PCDHGA3: variants seen among roughly 807,000 people sequenced by gnomAD.
PCDHGA3 encodes protocadherin gamma subfamily A, 3, also known as protocadherin gamma-A3.
In PCDHGA3, 40 loss-of-function variants were observed where a neutral mutation model predicts 58.5. That is an observed-to-expected ratio of 0.68 (90% confidence interval 0.53 to 0.89). PCDHGA3 has a LOEUF of 0.89. PCDHGA3 is among the 40% of genes least tolerant of loss of function. PCDHGA3 has a pLI of 0.00. For missense variants in PCDHGA3, 1,223 were observed against 1,195.9 expected, an observed-to-expected ratio of 1.02 and a Z score of -0.33; for synonymous variants, 530 against 525.7, an observed-to-expected ratio of 1.01 and a Z score of -0.11.
chr5:141,500,269 C>T (rs977958449), intron 2 of PCDHGA3, among the ~76,000 whole-genome samples: 1 of 151,504 alleles, frequency 6.6e-6, no homozygotes, highest in African/African-American at 2.4e-5. Context: ...ACTGCAGTGG[C>T]GCAATCTCGG....
rs992843398 is a variant in PCDHGA3 at position 141,374,547 on chromosome 5, T to C, written c.2424+28090T>C. On this transcript the variant is annotated intron_variant, in intron 1 of 3. Transcript: ENST00000253812. ...GCTCCATCCTCTCGTTTTCCACTAA[T>C]GGAGGTCTATGACCCTGATGTGGGA... 2.5e-6 allele frequency: 4 copies of C among 1,613,438 alleles called. No homozygotes were observed. The highest frequency in any genetic ancestry group is 1.7e-5 in the Admixed American group (1 of 60,028).
intron 1 of PCDHGA3, chr5:141,351,679 C>T (rs548473707): frequency 6.2e-7 from 1 of 1,613,994 alleles, no homozygotes; most frequent in Non-Finnish European, 8.5e-7. Context: ...TAAGCGCCTC[C>T]GACCCGGATT....
At chr5:141,383,417 G>A in intron 1 of PCDHGA3, 1 of 1,614,014 alleles carries the variant, frequency 6.2e-7, no homozygotes, top group African/African-American at 1.3e-5. Flanking sequence ...TACCAGCTCA[G>A]CCCCAATCGC....
chr5:141,359,835 C>T (rs985567227), intron 1 of PCDHGA3, among the ~76,000 whole-genome samples: 1 of 151,996 alleles, frequency 6.6e-6, no homozygotes, highest in Non-Finnish European at 1.5e-5. Flanking sequence ...TATTTTAAAA[C>T]AAATGAAGAC....
At chr5:141,400,242 G>A (rs757952126) in intron 1 of PCDHGA3, 14 of 1,613,894 alleles carry the variant, frequency 8.7e-6, no homozygotes, top group Middle Eastern at 1.6e-4. Context: ...CCGTGATTCT[G>A]GCCGTTGCCT....
At chr5:141,410,438 G>T (rs957017717) in intron 1 of PCDHGA3, 1 of 1,613,894 alleles carries the variant, frequency 6.2e-7, no homozygotes, top group African/African-American at 1.3e-5. Flanking sequence ...CTACAGTGAG[G>T]GGACTTTGCC....
rs1562106021 is a variant in PCDHGA3 at position 141,485,561 on chromosome 5, G to T, written c.2425-9246G>T. 6.2e-7 allele frequency: 1 copy of T among 1,613,008 alleles called. No individual in the cohort carries two copies. Among genetic ancestry groups the T allele is most frequent in the Non-Finnish European group, 8.5e-7 (1 of 1,179,122 alleles). ...AGAGATCGTAGATGTGAATGATCAC[G>T]CCCCCCGTTTTCCGCGGCAGCAGCT... On this transcript the variant is annotated intron_variant, in intron 1 of 3. Coordinates refer to ENST00000253812, the MANE Select transcript of PCDHGA3 (RefSeq NM_018916.4). The surrounding 1 kb of genome is among the most constrained non-coding windows in gnomAD (Gnocchi z 5.7).
At position 141,490,712 on chromosome 5, in the gene PCDHGA3, A is replaced by T; in HGVS notation, c.2425-4095A>T. The stretch of plus-strand genomic sequence containing the variant: ...ACTGGGGATAATGCCCGCCTCACCT[A>T]CTCCATTGTAGGAAATCAGGTTCAG... On this transcript the variant is annotated intron_variant, in intron 1 of 3. Transcript: ENST00000253812. The surrounding 1 kb of genome is among the most constrained non-coding windows in gnomAD (Gnocchi z 5.4). The T allele has an allele frequency of 6.2e-7, 1 of 1,613,686 alleles. No homozygotes were observed. The highest frequency in any genetic ancestry group is 8.5e-7 in the Non-Finnish European group (1 of 1,179,894).
intron 1 of PCDHGA3, chr5:141,366,519 G>A (rs1421344823): frequency 2.5e-6 from 4 of 1,614,138 alleles, no homozygotes; most frequent in Non-Finnish European, 1.7e-6. Flanking sequence ...GCTGAAGGCA[G>A]CAGGTTGGCG....
At chr5:141,382,819 G>A in intron 1 of PCDHGA3, 2 of 1,297,966 alleles carry the variant, frequency 1.5e-6, no homozygotes, top group Non-Finnish European at 2.1e-6. Context: ...CCCTTCCTAA[G>A]ACAGAGGGGT....
chr5:141,366,258 TG>T (rs758170088), intron 1 of PCDHGA3: 16 of 1,613,596 alleles, frequency 9.9e-6, no homozygotes, highest in Non-Finnish European at 1.4e-5. Flanking sequence ...CAGAGCCTCG[TG>T]GTGGCCGTCG....
Position 141,344,321 on chromosome 5 carries a change from C to A in PCDHGA3, c.288C>A (p.Cys96Ter), listed in dbSNP as rs759020376. 20 of 1,613,906 alleles carry A rather than the reference C, an allele frequency of 1.2e-5. No homozygotes were observed. In the Admixed American group the frequency reaches 2.0e-4, roughly 16 times the overall value. The change falls in exon 1 of 4, where the codon TGC becomes TGA. Residue 96 changes from cysteine to a stop codon, truncating the protein, a stop_gained. Transcript: ENST00000253812. LOFTEE classifies it high-confidence loss of function. ...AGAGGATAGACCGGGAGGAGCTCTG[C>A]GCTCAGATCCCGCTGTGTCTGGTAA... ...TAERIDREEL[C>*]AQIPLCLVKI...
intron 1 of PCDHGA3, among the ~76,000 whole-genome samples, chr5:141,467,008 A>AT (rs1165146249): frequency 6.7e-6 from 1 of 150,270 alleles, no homozygotes; most frequent in Non-Finnish European, 1.5e-5. Context: ...TTGCAATGCA[A>AT]TTTTTTTCCC....
intron 1 of PCDHGA3, chr5:141,379,581 T>A (rs1300858565): frequency 6.6e-6 from 1 of 152,240 alleles, no homozygotes; most frequent in Non-Finnish European, 1.5e-5. Context: ...TGGTTTATTT[T>A]ATTCTCTTAT....
intron 1 of PCDHGA3, chr5:141,413,388 C>G (rs765673305): frequency 6.2e-7 from 1 of 1,613,894 alleles, no homozygotes; most frequent in African/African-American, 1.3e-5. Context: ...TCCGCATAGT[C>G]TCCAGAGGTA....
At chr5:141,464,264 A>G (rs1357786078) in intron 1 of PCDHGA3, among the ~76,000 whole-genome samples, 2 of 130,598 alleles carry the variant, frequency 1.5e-5, no homozygotes, top group East Asian at 4.2e-4. Flanking sequence ...GACTCCGTCT[A>G]AAAAAAAAAA....
intron 1 of PCDHGA3, chr5:141,400,138 A>T: frequency 6.2e-7 from 1 of 1,614,046 alleles, no homozygotes; most frequent in Non-Finnish European, 8.5e-7. Flanking sequence ...GCTGCCGGAT[A>T]TCACTGACCG....
At chr5:141,393,399 C>A in intron 1 of PCDHGA3, 2 of 1,614,028 alleles carry the variant, frequency 1.2e-6, no homozygotes, top group Non-Finnish European at 1.7e-6. Context: ...AGAGCTGGTG[C>A]TGGAGCGCGC....
At chr5:141,368,564 A>G (rs1368053393) in intron 1 of PCDHGA3, among the ~76,000 whole-genome samples, 1 of 152,176 alleles carries the variant, frequency 6.6e-6, no homozygotes, top group African/African-American at 2.4e-5. Flanking sequence ...AAAATGTTAT[A>G]TGCTTCTTAG....
Sources: gnomAD v4.1 joint callset for allele counts (sites outside exome capture counted in the v4.1 genomes callset) on GRCh38, gnomAD v4.1.1 for gene constraint, Gnocchi (gnomAD v3.1) non-coding constraint, MANE v1.5 for transcripts, NCBI Gene and HGNC (gene_info 2026-07-23, HGNC 2026-07-21) for gene names.